Variants in SUCLG2 observed in about 807,000 individuals in gnomAD.
SUCLG2 encodes succinate--CoA ligase [GDP-forming] subunit beta, mitochondrial.
Under a neutral mutation model 47.9 loss-of-function variants are expected in SUCLG2, and 42 were observed. That is an observed-to-expected ratio of 0.88 (90% CI 0.69 to 1.14). The LOEUF (loss-of-function observed/expected upper bound fraction) is 1.14. Ranked by LOEUF, SUCLG2 falls within the 50% of genes most tolerant of loss-of-function variation. The probability of loss-of-function intolerance (pLI) is 0.00; values close to 1 mark genes in which losing one functional copy is unlikely to be tolerated. For synonymous variants in SUCLG2, 195 were observed against 197.3 expected (o/e 0.99, Z 0.10); for missense variants, 571 against 525.9 (o/e 1.09, Z -0.84).
At chr3:67,361,319 A>G (rs955323098) in intron 10 of SUCLG2, among the ~76,000 whole-genome samples, 1 of 152,208 alleles carries the variant, frequency 6.6e-6, no homozygotes, top group Non-Finnish European at 1.5e-5. Context: ...TAATGCATAG[A>G]GTATAAATCA....
intron 10 of SUCLG2, among the ~76,000 whole-genome samples, chr3:67,385,584 C>T (rs1021436523): frequency 6.6e-6 from 1 of 152,178 alleles, no homozygotes; most frequent in African/African-American, 2.4e-5. Flanking sequence ...CAGAGTGAGT[C>T]CAGGTCATCC....
intron 9 of SUCLG2, among the ~76,000 whole-genome samples, chr3:67,476,710 G>C (rs1704769533): frequency 6.6e-6 from 1 of 152,128 alleles, no homozygotes. Flanking sequence ...AATAATGTAA[G>C]ATAAGAACTG....
intron 9 of SUCLG2, among the ~76,000 whole-genome samples, chr3:67,413,304 G>T (rs1702968285): frequency 6.6e-6 from 1 of 152,148 alleles, no homozygotes; most frequent in Admixed American, 6.5e-5. Flanking sequence ...ACTAAGGAAG[G>T]CCCACTAAGA....
chr3:67,559,239 A>C (rs1446557590), intron 2 of SUCLG2, among the ~76,000 whole-genome samples: 1 of 152,172 alleles, frequency 6.6e-6, no homozygotes, highest in Non-Finnish European at 1.5e-5. Context: ...TTTCGATTGT[A>C]GTATGAACGA....
At chr3:67,420,104 T>C (rs1263887827) in intron 9 of SUCLG2, among the ~76,000 whole-genome samples, 2 of 152,166 alleles carry the variant, frequency 1.3e-5, no homozygotes, top group African/African-American at 4.8e-5. Context: ...CTGCAAAGCA[T>C]AAAGTACATA....
intron 1 of SUCLG2, among the ~76,000 whole-genome samples, chr3:67,616,484 C>T (rs1483590952): frequency 1.3e-5 from 2 of 152,140 alleles, no homozygotes; most frequent in African/African-American, 4.8e-5. Context: ...TGATGTTCAC[C>T]AAGCTATTGC....
At chr3:67,456,708 A>G (rs1251560700) in intron 9 of SUCLG2, among the ~76,000 whole-genome samples, 4 of 152,196 alleles carry the variant, frequency 2.6e-5, no homozygotes, top group African/African-American at 9.7e-5. Flanking sequence ...TAAATAATGC[A>G]AGGTTTAAAA....
intron 1 of SUCLG2, among the ~76,000 whole-genome samples, chr3:67,616,778 C>T (rs578120733): frequency 1.3e-5 from 2 of 152,134 alleles, no homozygotes; most frequent in African/African-American, 2.4e-5. Flanking sequence ...GAGCAAAAGC[C>T]GCATTTTCTG....
intron 7 of SUCLG2, among the ~76,000 whole-genome samples, chr3:67,508,248 G>GATTT (rs1441065002): frequency 6.6e-6 from 1 of 152,052 alleles, no homozygotes; most frequent in Admixed American, 6.5e-5. Flanking sequence ...ATTATATACA[G>GATTT]ATTTAGGCAA....
At chr3:67,500,987 G>A (rs993080117) in intron 7 of SUCLG2, among the ~76,000 whole-genome samples, 1 of 152,220 alleles carries the variant, frequency 6.6e-6, no homozygotes, top group Non-Finnish European at 1.5e-5. Context: ...TAGATTTTCA[G>A]AGGATGTTTT....
In SUCLG2 at chr3:67,375,791, G is replaced by A; in HGVS notation, c.1252C>T (p.Leu418=). The change falls in exon 11 of 11, where the codon CTG becomes TTG. Residue 418 remains leucine, a synonymous_variant. Coordinates refer to ENST00000307227, the MANE Select transcript of SUCLG2 (RefSeq NM_003848.4). ...SGLPITSAID[L]EDAAKKAVAS... is the part of the protein sequence containing the mutation. Reference sequence around the variant, plus strand: ...ACAGCCTTCTTGGCTGCATCCTCCAGGTCAATGGCTGAAGTAATGGGGAGT... The same window carrying A: ...ACAGCCTTCTTGGCTGCATCCTCCAAGTCAATGGCTGAAGTAATGGGGAGT... 1 of 1,613,896 alleles carries A rather than the reference G, an allele frequency of 6.2e-7. No homozygotes were observed. The highest frequency in any genetic ancestry group is 8.5e-7 in the Non-Finnish European group (1 of 1,179,912).
chr3:67,536,139 C>G (rs1706535489), intron 2 of SUCLG2, among the ~76,000 whole-genome samples: 1 of 152,166 alleles, frequency 6.6e-6, no homozygotes, highest in African/African-American at 2.4e-5. Flanking sequence ...GTGGCAACAG[C>G]CAGAACAGCT....
chr3:67,404,850 T>C (rs1025368945), intron 9 of SUCLG2, among the ~76,000 whole-genome samples: 22 of 152,154 alleles, frequency 1.4e-4, no homozygotes, highest in African/African-American at 5.1e-4. Context: ...TTATAAAGCA[T>C]GTCAAATTTT....
chr3:67,418,937 A>G (rs982206303), intron 9 of SUCLG2, among the ~76,000 whole-genome samples: 4 of 152,214 alleles, frequency 2.6e-5, no homozygotes, highest in African/African-American at 9.6e-5. Context: ...AAATGCATTC[A>G]GTGAAACCTT....
chr3:67,408,842 G>T, intron 9 of SUCLG2: 1 of 1,424,058 alleles, frequency 7.0e-7, no homozygotes, highest in Non-Finnish European at 9.1e-7. Flanking sequence ...ATGGTGTCAA[G>T]ATTTAAATTA....
rs768510483 is a variant in SUCLG2 at position 67,528,206 on chromosome 3, G to A, written c.343C>T (p.Gln115Ter). 3.1e-6 allele frequency: 5 copies of A among 1,613,618 alleles called. No homozygotes were observed. In the East Asian group the frequency reaches 6.7e-5, roughly 22 times the overall value. Reference sequence around the variant, plus strand: ...TACCCAATCATCTGTTTAGCCAGCTGTCCCACAACATTAGGGCTAAGAGAA... The same window carrying A: ...TACCCAATCATCTGTTTAGCCAGCTATCCCACAACATTAGGGCTAAGAGAA... Reference protein sequence around the residue: ...HLTKDPNVVGQLAKQMIGYNL... With the variant: ...HLTKDPNVVG Residue 115 changes from glutamine to a stop codon, truncating the protein, a stop_gained, in exon 4 of 11, where the codon CAG (glutamine) becomes TAG (stop). Transcript: ENST00000307227. LOFTEE classifies it high-confidence loss of function.
At chr3:67,573,562 C>A (rs570096429) in intron 2 of SUCLG2, among the ~76,000 whole-genome samples, 1 of 152,264 alleles carries the variant, frequency 6.6e-6, no homozygotes, top group East Asian at 1.9e-4. Context: ...TCTCACCAGG[C>A]TAAAATCAAG....
intron 2 of SUCLG2, among the ~76,000 whole-genome samples, chr3:67,551,144 C>T (rs987407689): frequency 1.3e-5 from 2 of 152,070 alleles, no homozygotes; most frequent in Non-Finnish European, 2.9e-5. Flanking sequence ...GTAAAATGTG[C>T]TCATGGTTGA....
intron 2 of SUCLG2, among the ~76,000 whole-genome samples, chr3:67,569,777 A>T (rs186609379): frequency 2.0e-5 from 3 of 152,244 alleles, no homozygotes; most frequent in Admixed American, 2.0e-4. Flanking sequence ...TTTAGATGAG[A>T]TTTTCAACTT....
Sources: allele counts gnomAD v4.1 joint callset (sites outside exome capture counted in the v4.1 genomes callset), GRCh38; gene constraint gnomAD v4.1.1; transcripts MANE v1.5; gene names NCBI Gene and HGNC (gene_info 2026-07-23, HGNC 2026-07-21).